Variants in CHN1 observed in about 807,000 individuals in gnomAD.
CHN1 encodes N-chimaerin.
Under a neutral mutation model 59.5 loss-of-function variants are expected in CHN1, and 37 were observed. The ratio of observed to expected loss-of-function variants is 0.62; its 90% CI spans 0.48 to 0.82. The LOEUF (loss-of-function observed/expected upper bound fraction) is 0.82, where lower values mean the gene tolerates loss of function less well. CHN1 is among the 40% of genes least tolerant of loss of function. CHN1 has a pLI of 0.00. For synonymous variants in CHN1, 206 were observed against 200.4 expected (o/e 1.03, Z -0.24); for missense variants, 469 against 571.0 (o/e 0.82, Z 1.82).
At chr2:174,926,755 C>T (rs369952359) in intron 3 of CHN1, among the ~76,000 whole-genome samples, 3 of 151,920 alleles carry the variant, frequency 2.0e-5, no homozygotes, top group South Asian at 4.2e-4. Context: ...TCTTATCTAC[C>T]CACACCATTT....
At chr2:174,984,045 C>T (rs937514984) in intron 1 of CHN1, among the ~76,000 whole-genome samples, 6 of 151,256 alleles carry the variant, frequency 4.0e-5, no homozygotes, top group Admixed American at 1.3e-4. Flanking sequence ...GCATCTACTG[C>T]TCCACGCAAG....
intron 1 of CHN1, among the ~76,000 whole-genome samples, chr2:174,990,311 G>A (rs1322988541): frequency 6.2e-5 from 9 of 144,642 alleles, no homozygotes; most frequent in African/African-American, 2.1e-4. Context: ...GCAAGAGTGC[G>A]AGGTCGTGGG....
At chr2:174,920,992 T>C (rs571393066) in intron 3 of CHN1, 4 of 429,418 alleles carry the variant, frequency 9.3e-6, no homozygotes, top group Admixed American at 4.7e-5. Context: ...GTCCCTCGCA[T>C]GTGCAGTTCA....
intron 1 of CHN1, among the ~76,000 whole-genome samples, chr2:174,982,320 G>C (rs549630971): frequency 5.9e-5 from 9 of 152,150 alleles, no homozygotes; most frequent in Non-Finnish European, 1.5e-5. Context: ...CCCAGTAACA[G>C]GATGGCTGGG....
chr2:174,877,737 C>T (rs994403249), intron 6 of CHN1, 103 bp downstream of exon 6: 4 of 979,128 alleles, frequency 4.1e-6, no homozygotes, highest in African/African-American at 3.3e-5. Flanking sequence ...AATGAATATA[C>T]TTTCCAAAGC....
At chr2:174,806,000 C>A (rs947997710) in intron 11 of CHN1, among the ~76,000 whole-genome samples, 1 of 152,152 alleles carries the variant, frequency 6.6e-6, no homozygotes, top group African/African-American at 2.4e-5. Context: ...CCCTCATTAC[C>A]ACAGGGAGCT....
intron 6 of CHN1, chr2:174,847,312 C>A (rs926781370): frequency 1.5e-6 from 2 of 1,320,630 alleles, no homozygotes; most frequent in Non-Finnish European, 9.6e-7. Context: ...GGTCGACTAA[C>A]CAGCAAATTC....
chr2:174,877,025 T>C (rs1403981634), intron 6 of CHN1, among the ~76,000 whole-genome samples: 1 of 152,180 alleles, frequency 6.6e-6, no homozygotes, highest in Non-Finnish European at 1.5e-5. Context: ...TAAAAATGAA[T>C]TGACACAGTT....
intron 7 of CHN1, among the ~76,000 whole-genome samples, chr2:174,838,344 C>T (rs1036954142): frequency 2.6e-5 from 4 of 152,044 alleles, no homozygotes; most frequent in Admixed American, 2.0e-4. Flanking sequence ...CCACCCACCT[C>T]GGCCTCCCAA....
intron 5 of CHN1, among the ~76,000 whole-genome samples, chr2:174,878,880 C>T (rs1214268546): frequency 2.6e-5 from 4 of 152,208 alleles, no homozygotes; most frequent in Non-Finnish European, 5.9e-5. Flanking sequence ...TAATGGTTTA[C>T]TTTTATGATA....
In CHN1 at chr2:174,854,166, C is replaced by T. The variant is rs1395182237; in HGVS notation, c.550-7209G>A. On this transcript the variant is annotated intron_variant, in intron 6 of 12. Coordinates refer to ENST00000409900, the MANE Select transcript of CHN1 (RefSeq NM_001822.7). Reference sequence around the variant, plus strand: ...ATTTTACAATAAAGTGTTTAAAATACTATATTCTATTTTTCTCATTTTAAT... The same window carrying T: ...ATTTTACAATAAAGTGTTTAAAATATTATATTCTATTTTTCTCATTTTAAT... 3.9e-5 allele frequency among the ~76,000 whole-genome samples: 6 copies of T among 152,126 alleles called. No homozygotes were observed. The East Asian group carries it at 1.2e-3, about 29-fold the overall frequency.
chr2:174,942,976 A>G (rs1293422232), intron 3 of CHN1, among the ~76,000 whole-genome samples: 1 of 152,030 alleles, frequency 6.6e-6, no homozygotes, highest in Non-Finnish European at 1.5e-5. Context: ...ACTTGAGCTC[A>G]GGAGGTTGAG....
At chr2:174,870,265 T>C (rs1287730281) in intron 6 of CHN1, among the ~76,000 whole-genome samples, 1 of 152,206 alleles carries the variant, frequency 6.6e-6, no homozygotes. Flanking sequence ...TGCCTATAAT[T>C]TCCTGTTGAA....
At chr2:174,842,088 A>G (rs775597504) in intron 7 of CHN1, among the ~76,000 whole-genome samples, 1 of 152,242 alleles carries the variant, frequency 6.6e-6, no homozygotes, top group Non-Finnish European at 1.5e-5. Context: ...TCCTGCTGTC[A>G]TGAGAAGAGG....
At chr2:174,955,219 CTA>C (rs113495054) in intron 1 of CHN1, among the ~76,000 whole-genome samples, 1 of 41,124 alleles carries the variant, frequency 2.4e-5, no homozygotes, top group Non-Finnish European at 4.3e-5. Context: ...ATATATATAT[CTA>C]TATAGATATA....
intron 5 of CHN1, among the ~76,000 whole-genome samples, chr2:174,878,929 G>T (rs369961139): frequency 2.2e-4 from 33 of 152,308 alleles, no homozygotes; most frequent in African/African-American, 7.7e-4. Flanking sequence ...CCTCAGAAAT[G>T]GATCCAATTT....
chr2:174,928,384 T>C (rs1438175365), intron 3 of CHN1, among the ~76,000 whole-genome samples: 1 of 152,230 alleles, frequency 6.6e-6, no homozygotes, highest in Non-Finnish European at 1.5e-5. Context: ...GTAAGGGATC[T>C]AACCGTTGTT....
At chr2:174,951,054 C>G (rs914806692) in intron 2 of CHN1, among the ~76,000 whole-genome samples, 1 of 152,322 alleles carries the variant, frequency 6.6e-6, no homozygotes, top group Middle Eastern at 3.4e-3. Flanking sequence ...GCTGGGATTA[C>G]AGGCATGAGC....
At position 174,799,038 on chromosome 2, in the gene CHN1, T is replaced by C. The variant is rs772281740; in HGVS notation, c.*1078A>G. Among the ~76,000 whole-genome samples the C allele has an allele frequency of 1.3e-5, 2 of 152,336 alleles. No individual in the cohort carries two copies. Among genetic ancestry groups the C allele is most frequent in the East Asian group, 1.9e-4 (1 of 5,188 alleles). On this transcript the variant is annotated 3_prime_UTR_variant, in exon 13 of 13. Coordinates refer to ENST00000409900, the MANE Select transcript of CHN1 (RefSeq NM_001822.7). ...TCTGGGGCTCATCTCTCAGGCAGCA[T>C]TGTCAGCTCAATGCATGTTGATGTC... is the stretch of plus-strand genomic sequence containing the variant.
Sources: gnomAD v4.1 joint callset for allele counts (sites outside exome capture counted in the v4.1 genomes callset) on GRCh38, gnomAD v4.1.1 for gene constraint, MANE v1.5 for transcripts, NCBI Gene and HGNC (gene_info 2026-07-23, HGNC 2026-07-21) for gene names.